The following CRYBG1 variants were observed in gnomAD, a reference collection of about 807,000 sequenced individuals.
CRYBG1 encodes beta/gamma crystallin domain-containing protein 1.
A neutral mutation model predicts 189.2 loss-of-function variants in CRYBG1; 139 were observed. That is an observed-to-expected ratio of 0.73 (90% confidence interval 0.64 to 0.85). CRYBG1 has a LOEUF of 0.85. Ranked by LOEUF, CRYBG1 falls within the 40% of genes least tolerant of loss-of-function variation. CRYBG1 has a pLI of 0.00. For synonymous variants in CRYBG1, 1,023 were observed against 1,017.1 expected, an observed-to-expected ratio of 1.01 and a Z score of -0.11; for missense variants, 2,611 against 2,675.8, an observed-to-expected ratio of 0.98 and a Z score of 0.53.
At chr6:106,393,975 C>T (rs1351587624) in intron 1 of CRYBG1, among the ~76,000 whole-genome samples, 1 of 152,142 alleles carries the variant, frequency 6.6e-6, no homozygotes, top group Non-Finnish European at 1.5e-5. Context: ...CCCTGGCCTC[C>T]TCTTCCTTTT....
chr6:106,567,682 G>GA (rs34224051), intron 21 of CRYBG1, among the ~76,000 whole-genome samples: 107 of 147,138 alleles, frequency 7.3e-4, no homozygotes, highest in East Asian at 6.5e-3. Flanking sequence ...TTCTACACTG[G>GA]AAAAAAAAAA....
chr6:106,411,749 C>T lies in CRYBG1; in HGVS notation c.174-39945C>T, dbSNP rs145076547. On this transcript the variant is annotated intron_variant, in intron 1 of 21. Coordinates refer to ENST00000633556, the MANE Select transcript of CRYBG1 (RefSeq NM_001371242.2). ...TCTGAAACCCTCAAAACAAGGGAAG[C>T]CAAGAGTGCAGCCTTCAGTCTGTTG... 5.3e-5 allele frequency among the ~76,000 whole-genome samples: 8 copies of T among 152,212 alleles called. No individual in the cohort carries two copies. In the East Asian group the frequency reaches 1.5e-3, roughly 29 times the overall value.
chr6:106,363,514 A>T (rs557640), intron 1 of CRYBG1, among the ~76,000 whole-genome samples: 101,081 of 151,962 alleles, frequency 0.67, 33,787 homozygotes, highest in African/African-American at 0.73. Flanking sequence ...CTTAGATTTC[A>T]AGCCAGTTTG....
At position 106,438,611 on chromosome 6, in the gene CRYBG1, C is replaced by T. The variant is rs527843446; in HGVS notation, c.174-13083C>T. Among the ~76,000 whole-genome samples the T allele has an allele frequency of 4.5e-4, 69 of 152,238 alleles. No homozygotes were observed. The South Asian group carries it at 6.2e-3, about 14-fold the overall frequency. ...TATAAGCAAATAGTAAATCCATAAT[C>T]CATATGTGTTTGCTTTCCCATAACA... On this transcript the variant is annotated intron_variant, in intron 1 of 21. Transcript: ENST00000633556.
chr6:106,419,477 G>T (rs1379528860), intron 1 of CRYBG1, among the ~76,000 whole-genome samples: 9 of 152,140 alleles, frequency 5.9e-5, no homozygotes. Flanking sequence ...CAACCTCCTG[G>T]GCTCAAGCAG....
At chr6:106,436,756 C>T (rs1448521802) in intron 1 of CRYBG1, among the ~76,000 whole-genome samples, 1 of 152,060 alleles carries the variant, frequency 6.6e-6, no homozygotes, top group Non-Finnish European at 1.5e-5. Context: ...TTACCATAAG[C>T]ATATTATAAA....
At chr6:106,566,164 C>A (rs9486401) in intron 21 of CRYBG1, among the ~76,000 whole-genome samples, 23,257 of 139,298 alleles carry the variant, frequency 0.17, 2,387 homozygotes, top group African/African-American at 0.3. Flanking sequence ...AGGGCACCAG[C>A]GTGAAAAAAA....
rs780341653 is a variant in CRYBG1, at chr6:106,521,033, C to T, written c.3825C>T (p.Asn1275=). 8 of 1,614,166 alleles carry T rather than the reference C, an allele frequency of 5.0e-6. No individual in the cohort carries two copies. The highest frequency in any genetic ancestry group is 3.3e-5 in the South Asian group (3 of 91,080). Reference sequence around the variant, plus strand: ...CCACGGCTTTCAGTACTTCTCAGAACGGTTCCCTATCTCAGTCTTCAGTGT... The same window carrying T: ...CCACGGCTTTCAGTACTTCTCAGAATGGTTCCCTATCTCAGTCTTCAGTGT... The part of the protein sequence containing the change: ...TMTTAFSTSQ[N]GSLSQSSVSQ... The change falls in exon 4 of 22, where the codon AAC becomes AAT. Residue 1275 remains asparagine, a synonymous_variant. Coordinates refer to ENST00000633556, the MANE Select transcript of CRYBG1 (RefSeq NM_001371242.2).
At chr6:106,387,434 G>A (rs768494984) in intron 1 of CRYBG1, among the ~76,000 whole-genome samples, 1 of 152,174 alleles carries the variant, frequency 6.6e-6, no homozygotes, top group Non-Finnish European at 1.5e-5. Context: ...TGAAAGGACT[G>A]TACGTCCCTC....
intron 2 of CRYBG1, among the ~76,000 whole-genome samples, chr6:106,474,930 T>C (rs1362361435): frequency 6.6e-6 from 1 of 152,216 alleles, no homozygotes; most frequent in African/African-American, 2.4e-5. Context: ...ATGTTCTTAT[T>C]TCCCTTTTGC....
At chr6:106,366,547 A>C (rs1209834482) in intron 1 of CRYBG1, among the ~76,000 whole-genome samples, 1 of 152,234 alleles carries the variant, frequency 6.6e-6, no homozygotes, top group Non-Finnish European at 1.5e-5. Flanking sequence ...AACTCAGTAA[A>C]TAGTACCTCT....
chr6:106,454,050 C>T (rs1771836317), intron 2 of CRYBG1, among the ~76,000 whole-genome samples: 2 of 152,178 alleles, frequency 1.3e-5, no homozygotes. Context: ...ACACACCCTC[C>T]ACCTCAGAGA....
chr6:106,530,133 A>G (rs769364075), intron 7 of CRYBG1, 43 bp from the exon 8 acceptor site: 1 of 1,526,156 alleles, frequency 6.6e-7, no homozygotes, highest in Non-Finnish European at 8.9e-7. Flanking sequence ...AGAGTGAAAT[A>G]CATGGTGCAA....
At chr6:106,452,667 T>G (rs1170406061) in intron 2 of CRYBG1, among the ~76,000 whole-genome samples, 6 of 152,230 alleles carry the variant, frequency 3.9e-5, no homozygotes, top group African/African-American at 1.2e-4. Flanking sequence ...TATCAATAGT[T>G]ACTTCTTAAT....
chr6:106,380,807 T>C (rs1770272872), intron 1 of CRYBG1, among the ~76,000 whole-genome samples: 1 of 152,196 alleles, frequency 6.6e-6, no homozygotes. Flanking sequence ...GTCATGTAAG[T>C]ACAATAAGCA....
At chr6:106,554,516 G>A (rs1226134848) in intron 16 of CRYBG1, among the ~76,000 whole-genome samples, 6 of 152,138 alleles carry the variant, frequency 3.9e-5, no homozygotes. Flanking sequence ...GGAGGCTGAG[G>A]CAGGAGAATT....
intron 1 of CRYBG1, among the ~76,000 whole-genome samples, chr6:106,374,651 G>T (rs976881087): frequency 6.6e-6 from 1 of 152,186 alleles, no homozygotes. Flanking sequence ...GAGTGTAATT[G>T]TTACTGCTAA....
chr6:106,400,171 G>C (rs913214662), intron 1 of CRYBG1, among the ~76,000 whole-genome samples: 5 of 148,828 alleles, frequency 3.4e-5, no homozygotes, highest in Non-Finnish European at 7.4e-5. Flanking sequence ...AGAGAGAAAA[G>C]GTCTCCCCAT....
At position 106,451,721 on chromosome 6, in the gene CRYBG1, T is replaced by C. The variant is rs1012209131; in HGVS notation, c.201T>C (p.Tyr67=). 12 of 1,534,040 alleles carry C rather than the reference T, an allele frequency of 7.8e-6. No individual in the cohort carries two copies. Among genetic ancestry groups the C allele is most frequent in the Non-Finnish European group, 9.6e-6 (11 of 1,146,052 alleles). ...ARALDVVDGK[Y]VVRDSQEFPL... The stretch of plus-strand genomic sequence containing the variant: ...CTTTGGATGTAGTCGATGGAAAATA[T>C]GTGGTTCGAGACTCCCAGGAATTTC... Residue 67 remains tyrosine (Y), a synonymous_variant, in exon 2 of 22, where the codon TAT becomes TAC. Transcript: ENST00000633556.
Sources: allele counts gnomAD v4.1 joint callset (sites outside exome capture counted in the v4.1 genomes callset), GRCh38; gene constraint gnomAD v4.1.1; transcripts MANE v1.5; gene names NCBI Gene and HGNC (gene_info 2026-07-23, HGNC 2026-07-21).